Variants in ENTREP2 observed in about 807,000 individuals in gnomAD.
ENTREP2 encodes the protein endosomal transmembrane epsin interactor 2.
the ENTREP2 span, among the ~76,000 whole-genome samples, chr15:29,145,897 T>A: frequency 6.6e-6 from 1 of 152,104 alleles, no homozygotes; most frequent in Non-Finnish European, 1.5e-5. Flanking sequence ...GTGACATGAT[T>A]TTGCATATAG....
At chr15:29,128,106 G>C in the ENTREP2 span, among the ~76,000 whole-genome samples, 1 of 152,174 alleles carries the variant, frequency 6.6e-6, no homozygotes, top group Non-Finnish European at 1.5e-5. Flanking sequence ...GCCCTCTGTG[G>C]GATCACATGA....
chr15:29,606,822 T>C, the ENTREP2 span, among the ~76,000 whole-genome samples: 1 of 148,962 alleles, frequency 6.7e-6, no homozygotes, highest in African/African-American at 2.4e-5. Context: ...CATTGAACCT[T>C]TTCTTTCTTT....
chr15:29,124,563 A>G, the ENTREP2 span: 4 of 728,218 alleles, frequency 5.5e-6, no homozygotes, highest in Admixed American at 1.0e-4. Context: ...GACAGTGGGC[A>G]GCCCCCATTC....
the ENTREP2 span, chr15:29,137,187 G>A: frequency 2.1e-5 from 31 of 1,477,108 alleles, no homozygotes; most frequent in African/African-American, 7.4e-5. Flanking sequence ...TGACCTCTGC[G>A]GAAGGAACTG....
chr15:29,121,053 G>A, the ENTREP2 span: 2 of 152,352 alleles, frequency 1.3e-5, no homozygotes, highest in African/African-American at 4.8e-5. Context: ...GCCTCATTTC[G>A]AAGGGGCAGA....
chr15:29,621,979 G>T, the ENTREP2 span, among the ~76,000 whole-genome samples: 1 of 152,032 alleles, frequency 6.6e-6, no homozygotes, highest in Non-Finnish European at 1.5e-5. Flanking sequence ...AACAAATACC[G>T]CGTTATTCCA....
the ENTREP2 span, among the ~76,000 whole-genome samples, chr15:29,232,039 G>C: frequency 6.6e-6 from 1 of 151,866 alleles, no homozygotes; most frequent in Non-Finnish European, 1.5e-5. Flanking sequence ...ACAGGCGTGG[G>C]CCACCACGTC....
chr15:29,674,330 C>T, the ENTREP2 span, among the ~76,000 whole-genome samples: 3 of 152,036 alleles, frequency 2.0e-5, no homozygotes, highest in South Asian at 4.2e-4. Context: ...AGTGCAGTGG[C>T]GCAATCTCAG....
At chr15:29,244,906 T>A in the ENTREP2 span, among the ~76,000 whole-genome samples, 60 of 152,316 alleles carry the variant, frequency 3.9e-4, no homozygotes, top group African/African-American at 1.4e-3. Flanking sequence ...CTCATTAAAT[T>A]CAGGAGCAAG....
the ENTREP2 span, among the ~76,000 whole-genome samples, chr15:29,304,844 C>T: frequency 6.6e-6 from 1 of 152,176 alleles, no homozygotes; most frequent in Non-Finnish European, 1.5e-5. Context: ...TCCGTACTGA[C>T]TATTCCCTCT....
At chr15:29,267,570 T>TCCC in the ENTREP2 span, 1 of 151,956 alleles carries the variant, frequency 6.6e-6, no homozygotes, top group Non-Finnish European at 1.5e-5. Context: ...TATACCTAAC[T>TCCC]CCCTAGGAGG....
chr15:29,156,971 C>T, the ENTREP2 span, among the ~76,000 whole-genome samples: 17,717 of 152,144 alleles, frequency 0.12, 1,315 homozygotes, highest in Middle Eastern at 0.19. Flanking sequence ...GTGGCACATG[C>T]CTGTAATCCC....
At chr15:29,570,619 G>A in the ENTREP2 span, 2 of 1,444,210 alleles carry the variant, frequency 1.4e-6, no homozygotes, top group Non-Finnish European at 9.1e-7. Context: ...GCGTGGCCCC[G>A]AGCGCCAGCA....
chr15:29,568,918 C>A, the ENTREP2 span, among the ~76,000 whole-genome samples: 1 of 152,080 alleles, frequency 6.6e-6, no homozygotes, highest in Non-Finnish European at 1.5e-5. Flanking sequence ...AAAGGCAGTT[C>A]TCTCTCCACA....
chr15:29,147,803 A>G, the ENTREP2 span, among the ~76,000 whole-genome samples: 2 of 152,222 alleles, frequency 1.3e-5, no homozygotes, highest in Non-Finnish European at 2.9e-5. Context: ...TATATACTCA[A>G]GATAAATTAA....
At chr15:29,371,544 G>C in the ENTREP2 span, among the ~76,000 whole-genome samples, 6 of 152,054 alleles carry the variant, frequency 3.9e-5, no homozygotes, top group Admixed American at 1.3e-4. Flanking sequence ...TAACCTGTGG[G>C]GGGAGGTGAG....
chr15:29,577,245 T>C, the ENTREP2 span, among the ~76,000 whole-genome samples: 1 of 151,180 alleles, frequency 6.6e-6, no homozygotes, highest in Admixed American at 6.6e-5. Context: ...TGGTGACCCC[T>C]CAAAAAAATC....
the ENTREP2 span, among the ~76,000 whole-genome samples, chr15:29,329,937 G>A: frequency 1.5e-3 from 223 of 152,296 alleles, 3 homozygotes; most frequent in African/African-American, 5.3e-3. Context: ...TCCGCCCTCA[G>A]GGAAGAGGAA....
the ENTREP2 span, among the ~76,000 whole-genome samples, chr15:29,440,969 G>T: frequency 6.6e-6 from 1 of 152,044 alleles, no homozygotes; most frequent in Non-Finnish European, 1.5e-5. Context: ...TCCACTTCTG[G>T]GTATATACCC....
Sources: allele counts gnomAD v4.1 joint callset (sites outside exome capture counted in the v4.1 genomes callset), GRCh38; gene constraint gnomAD v4.1.1; transcripts MANE v1.5; gene names NCBI Gene and HGNC (gene_info 2026-07-23, HGNC 2026-07-21).